Variants in ESRP1 observed in about 807,000 individuals in gnomAD.
ESRP1 encodes RNA-binding motif protein 35A.
ESRP1 carries 33 observed loss-of-function variants against 81.7 expected under a neutral mutation model. The ratio of observed to expected loss-of-function variants is 0.40; its 90% CI spans 0.31 to 0.54. The LOEUF (loss-of-function observed/expected upper bound fraction) is 0.54, where lower values mean the gene tolerates loss of function less well. Ranked by LOEUF, ESRP1 falls within the 20% of genes least tolerant of loss-of-function variation. ESRP1 has a pLI of 0.41. For missense variants in ESRP1, 672 were observed against 833.1 expected, an observed-to-expected ratio of 0.81 and a Z score of 2.38; for synonymous variants, 320 against 303.3, an observed-to-expected ratio of 1.06 and a Z score of -0.57.
chr8:94,695,926 G>A (rs1340738715), intron 14 of ESRP1, among the ~76,000 whole-genome samples: 1 of 152,124 alleles, frequency 6.6e-6, no homozygotes, highest in Non-Finnish European at 1.5e-5. Context: ...AGCCACGCAT[G>A]GTGGTGCATG....
chr8:94,701,215 C>T (rs1809822806), intron 15 of ESRP1, among the ~76,000 whole-genome samples: 2 of 144,154 alleles, frequency 1.4e-5, no homozygotes, highest in Admixed American at 1.4e-4. Flanking sequence ...GTGGAGGTTG[C>T]AGTGAGCTGA....
At chr8:94,645,775 G>A (rs1817815912) in intron 3 of ESRP1, among the ~76,000 whole-genome samples, 1 of 152,174 alleles carries the variant, frequency 6.6e-6, no homozygotes, top group African/African-American at 2.4e-5. Flanking sequence ...TCCCACACCT[G>A]TGTGAAAACT....
At chr8:94,682,990 G>T (rs1323570566) in intron 13 of ESRP1, among the ~76,000 whole-genome samples, 2 of 109,680 alleles carry the variant, frequency 1.8e-5, no homozygotes, top group African/African-American at 7.5e-5. Context: ...TGTTGCCCAG[G>T]CTGGAATGCA....
intron 4 of ESRP1, among the ~76,000 whole-genome samples, chr8:94,648,975 C>T (rs1563517830): frequency 6.6e-6 from 1 of 152,174 alleles, no homozygotes; most frequent in Non-Finnish European, 1.5e-5. Flanking sequence ...AATCCCAGCA[C>T]TTTGGGAGGC....
At chr8:94,672,572 G>A (rs967166402) in intron 11 of ESRP1, among the ~76,000 whole-genome samples, 5 of 150,694 alleles carry the variant, frequency 3.3e-5, no homozygotes, top group South Asian at 2.1e-4. Context: ...TCACTCTGTC[G>A]TCCAGGCTGG....
intron 9 of ESRP1, 99 bp from the exon 10 acceptor site, chr8:94,667,850 T>C: frequency 9.9e-7 from 1 of 1,014,452 alleles, no homozygotes; most frequent in Non-Finnish European, 1.4e-6. Context: ...GTCTTCATTA[T>C]GAACTCAAGA....
chr8:94,641,775 C>CGGGTGGG (rs1817607145), intron 1 of ESRP1, 181 bp from the exon 2 acceptor site: 2 of 752,122 alleles, frequency 2.7e-6, no homozygotes, highest in Admixed American at 6.4e-5. Flanking sequence ...TCCGACCTAT[C>CGGGTGGG]GGGTGGGGGG....
intron 15 of ESRP1, among the ~76,000 whole-genome samples, chr8:94,698,007 TC>T (rs1189502488): frequency 2.0e-5 from 3 of 152,168 alleles, no homozygotes; most frequent in Non-Finnish European, 2.9e-5. Context: ...GGTCTTGAAC[TC>T]CTGACCCTGT....
intron 10 of ESRP1, among the ~76,000 whole-genome samples, chr8:94,671,186 G>A (rs937250119): frequency 1.3e-5 from 2 of 152,128 alleles, no homozygotes; most frequent in Admixed American, 6.5e-5. Flanking sequence ...TGTTGTGTGT[G>A]GTGTACACCT....
At position 94,706,776 on chromosome 8, in the gene ESRP1, C is replaced by T. The variant is rs1429813714; in HGVS notation, c.*887C>T. 6.6e-6 allele frequency: 1 copy of T among 152,182 alleles called. No individual in the cohort carries two copies. The highest frequency in any genetic ancestry group is 1.5e-5 in the Non-Finnish European group (1 of 68,020). 9.4% of individuals were successfully genotyped at this position (152,182 alleles called of 1,614,324 possible). ...AGTTTTTAATATCCCAGAAGTGAGA[C>T]AATTTGAACAGTGTATTCTAGAAAA... On this transcript the variant is annotated 3_prime_UTR_variant, in exon 16 of 16. Coordinates refer to ENST00000433389, the MANE Select transcript of ESRP1 (RefSeq NM_017697.4).
At chr8:94,694,342 C>T (rs572695830) in intron 14 of ESRP1, among the ~76,000 whole-genome samples, 157 of 152,256 alleles carry the variant, frequency 1.0e-3, no homozygotes, top group South Asian at 2.3e-3. Flanking sequence ...CATGGTGGCT[C>T]ACGCCTGTAA....
intron 4 of ESRP1, among the ~76,000 whole-genome samples, chr8:94,650,376 A>G (rs1194986120): frequency 6.6e-6 from 1 of 152,152 alleles, no homozygotes; most frequent in African/African-American, 2.4e-5. Context: ...AACCCCTGAC[A>G]ACCACCAATC....
chr8:94,674,785 C>T (rs543382149), intron 12 of ESRP1, among the ~76,000 whole-genome samples: 4 of 152,296 alleles, frequency 2.6e-5, no homozygotes, highest in East Asian at 1.9e-4. Flanking sequence ...CAGATAAGCA[C>T]TGACTCTGGG....
chr8:94,684,951 C>T (rs1247762599), intron 13 of ESRP1, among the ~76,000 whole-genome samples: 5 of 151,380 alleles, frequency 3.3e-5, no homozygotes, highest in Non-Finnish European at 7.4e-5. Flanking sequence ...ATTGCTTGAG[C>T]CTGGAGATTG....
At chr8:94,697,607 T>G (rs79459092) in intron 15 of ESRP1, among the ~76,000 whole-genome samples, 3,097 of 152,316 alleles carry the variant, frequency 0.02, 97 homozygotes, top group African/African-American at 0.069. Context: ...CTGATGGACA[T>G]TTTAATTGTT....
intron 9 of ESRP1, among the ~76,000 whole-genome samples, chr8:94,667,248 G>A (rs1819073090): frequency 6.6e-6 from 1 of 151,514 alleles, no homozygotes; most frequent in Admixed American, 6.6e-5. Context: ...GCAAAAAGAA[G>A]AACGTGCTAT....
intron 10 of ESRP1, among the ~76,000 whole-genome samples, chr8:94,669,786 C>T (rs560447068): frequency 5.4e-4 from 81 of 150,386 alleles, no homozygotes; most frequent in African/African-American, 1.9e-3. Context: ...AGGAGAATCG[C>T]TTGAACCCGG....
Position 94,685,057 on chromosome 8 carries a change from CAA to C in ESRP1, c.1820+6688_1820+6689del, listed in dbSNP as rs2130691520. Among the ~76,000 whole-genome samples, 3 of 151,584 alleles carry C rather than the reference CAA, an allele frequency of 2.0e-5. No homozygotes were observed. The East Asian group carries it at 5.8e-4, about 29-fold the overall frequency. ...AAAAGCCATATATATCTATATATGG[CAA>C]ATCCTCAAATTGTGAATGTTATCAA... On this transcript the variant is annotated intron_variant, in intron 13 of 15. Transcript: ENST00000433389.
chr8:94,673,365 T>C (rs1375174645), intron 11 of ESRP1, among the ~76,000 whole-genome samples: 1 of 152,198 alleles, frequency 6.6e-6, no homozygotes, highest in African/African-American at 2.4e-5. Flanking sequence ...AACTCTTAGG[T>C]GCCTTGAGGA....
Sources: allele counts gnomAD v4.1 joint callset (sites outside exome capture counted in the v4.1 genomes callset), GRCh38; gene constraint gnomAD v4.1.1; transcripts MANE v1.5; gene names NCBI Gene and HGNC (gene_info 2026-07-23, HGNC 2026-07-21).